The following SCFD2 variants were observed in gnomAD, a reference collection of about 807,000 sequenced individuals.
SCFD2 encodes the protein sec1 family domain containing 2, also known as sec1 family domain-containing protein 2.
A neutral mutation model predicts 58.9 loss-of-function variants in SCFD2; 54 were observed. The ratio of observed to expected loss-of-function variants is 0.92; its 90% CI spans 0.74 to 1.15. The LOEUF (loss-of-function observed/expected upper bound fraction) is 1.15, where lower values mean the gene tolerates loss of function less well. Among genes scored for constraint, SCFD2 ranks in the 50% most tolerant of loss-of-function variants. The pLI is 0.00. For synonymous variants in SCFD2, 321 were observed against 335.9 expected (o/e 0.96, Z 0.49); for missense variants, 805 against 836.6 (o/e 0.96, Z 0.47).
intron 5 of SCFD2, chr4:52,955,870 G>C: frequency 2.8e-6 from 1 of 351,550 alleles, no homozygotes; most frequent in Non-Finnish European, 5.6e-6. Context: ...GCGTGCCCAA[G>C]TTAGCATGCT....
At chr4:52,920,652 C>A (rs1719711484) in intron 6 of SCFD2, 73 bp downstream of exon 6, 4 of 1,130,648 alleles carry the variant, frequency 3.5e-6, no homozygotes, top group Non-Finnish European at 4.9e-6. Flanking sequence ...TAAAAGGGAA[C>A]CTTTTCTTCT....
chr4:52,969,213 T>C (rs1228206893), intron 5 of SCFD2, among the ~76,000 whole-genome samples: 7 of 152,116 alleles, frequency 4.6e-5, no homozygotes, highest in Non-Finnish European at 1.0e-4. Context: ...GTGTTTGGAG[T>C]TGAGCTCAAT....
At chr4:52,983,027 C>A (rs1316719469) in intron 5 of SCFD2, among the ~76,000 whole-genome samples, 1 of 152,094 alleles carries the variant, frequency 6.6e-6, no homozygotes, top group Non-Finnish European at 1.5e-5. Context: ...CCAATGTGAA[C>A]TACTTGGTCC....
chr4:53,208,309 T>C (rs1728501780), intron 4 of SCFD2, among the ~76,000 whole-genome samples: 1 of 152,018 alleles, frequency 6.6e-6, no homozygotes, highest in Non-Finnish European at 1.5e-5. Flanking sequence ...GACTAATACA[T>C]TGACATTGAA....
In SCFD2 at chr4:53,175,570, T is replaced by C. The variant is rs574788484; in HGVS notation, c.1312-29988A>G. On this transcript the variant is annotated intron_variant, in intron 4 of 8. Coordinates refer to ENST00000401642, the MANE Select transcript of SCFD2 (RefSeq NM_152540.4). The stretch of plus-strand genomic sequence containing the variant: ...GAAATATTACCATGAATCAGATTTA[T>C]ATCTGTTATTAGTTTATTTATGCCT... Among the ~76,000 whole-genome samples, 78 of 152,374 alleles carry C rather than the reference T, an allele frequency of 5.1e-4. 1 individual carries two copies. The highest frequency in any genetic ancestry group is 1.8e-3 in the African/African-American group (76 of 41,594).
intron 4 of SCFD2, among the ~76,000 whole-genome samples, chr4:53,224,481 C>T (rs778788117): frequency 6.6e-6 from 1 of 152,048 alleles, no homozygotes; most frequent in Non-Finnish European, 1.5e-5. Flanking sequence ...AGTCTGAATA[C>T]CCTGAGATTG....
At chr4:53,318,728 GT>G (rs202200114) in intron 2 of SCFD2, among the ~76,000 whole-genome samples, 1,828 of 145,046 alleles carry the variant, frequency 0.013, 72 homozygotes, top group Admixed American at 0.077. Context: ...TAAAAGAGTT[GT>G]TTTTTTTTTT....
rs1200909041 is a variant in SCFD2 at position 52,962,626 on chromosome 4, T to C, written c.1562-41756A>G. The stretch of plus-strand genomic sequence containing the variant: ...TCCTATTTTTTTCTTTTTGAAATAA[T>C]ATGTTAAAATGAGCATTGTGTTAAT... On this transcript the variant is annotated intron_variant, in intron 5 of 8. Coordinates refer to ENST00000401642, the MANE Select transcript of SCFD2 (RefSeq NM_152540.4). Among the ~76,000 whole-genome samples the C allele has an allele frequency of 2.0e-5, 3 of 151,884 alleles. No individual in the cohort carries two copies. In the East Asian group the frequency reaches 5.8e-4, roughly 29 times the overall value.
chr4:53,313,900 A>G (rs1732777179), intron 2 of SCFD2, 137 bp from the exon 3 acceptor site: 1 of 669,048 alleles, frequency 1.5e-6, no homozygotes, highest in Admixed American at 3.0e-5. Context: ...AAGTATTAGG[A>G]TTAAATAAAG....
At chr4:52,937,254 G>A (rs926649824) in intron 5 of SCFD2, among the ~76,000 whole-genome samples, 4 of 152,220 alleles carry the variant, frequency 2.6e-5, no homozygotes, top group Admixed American at 2.6e-4. Flanking sequence ...GAAGAGCAAG[G>A]GGGCCAAGTG....
At chr4:53,097,639 T>C (rs1428072544) in intron 5 of SCFD2, among the ~76,000 whole-genome samples, 1 of 152,232 alleles carries the variant, frequency 6.6e-6, no homozygotes, top group African/African-American at 2.4e-5. Context: ...GTTTTCTAAA[T>C]ACACAATCAT....
At chr4:52,895,686 T>C (rs1409722590) in intron 7 of SCFD2, among the ~76,000 whole-genome samples, 4 of 152,192 alleles carry the variant, frequency 2.6e-5, no homozygotes, top group African/African-American at 4.8e-5. Context: ...GGTATATACC[T>C]AGTAATGGGA....
intron 4 of SCFD2, among the ~76,000 whole-genome samples, chr4:53,254,060 T>G (rs1037158215): frequency 2.6e-5 from 4 of 151,424 alleles, no homozygotes; most frequent in Non-Finnish European, 5.9e-5. Context: ...CATGGACAAA[T>G]AGAGGGGAAC....
rs189670503 is a variant in SCFD2, at chr4:53,081,432, T to C, written c.1561+63901A>G. ...ACTTTCTACTAGTCCACAATGTCCA[T>C]TATTCCCATATTTATGTCCATGTGT... is the stretch of plus-strand genomic sequence containing the variant. On this transcript the variant is annotated intron_variant, in intron 5 of 8. Transcript: ENST00000401642. Among the ~76,000 whole-genome samples the C allele has an allele frequency of 1.0e-3, 158 of 152,220 alleles. 1 individual carries two copies. Among genetic ancestry groups the C allele is most frequent in the African/African-American group, 3.7e-3 (152 of 41,518 alleles).
intron 3 of SCFD2, among the ~76,000 whole-genome samples, chr4:53,284,554 ATG>A (rs906065558): frequency 4.5e-5 from 2 of 44,562 alleles, no homozygotes; most frequent in Non-Finnish European, 1.4e-4. Flanking sequence ...GAATGGACAG[ATG>A]TGTATTTTTC....
chr4:53,057,385 T>A (rs1168945304), intron 5 of SCFD2, among the ~76,000 whole-genome samples: 1 of 151,794 alleles, frequency 6.6e-6, no homozygotes, highest in Non-Finnish European at 1.5e-5. Context: ...GGGATAAATA[T>A]GGAAAGGGAA....
intron 6 of SCFD2, among the ~76,000 whole-genome samples, chr4:52,912,600 T>C (rs1179093578): frequency 6.6e-6 from 1 of 152,222 alleles, no homozygotes; most frequent in Non-Finnish European, 1.5e-5. Flanking sequence ...GAGCACAATT[T>C]GGTAAAGACT....
At chr4:53,335,388 G>C (rs1273181394) in intron 2 of SCFD2, among the ~76,000 whole-genome samples, 1 of 152,086 alleles carries the variant, frequency 6.6e-6, no homozygotes, top group South Asian at 2.1e-4. Context: ...CAATGTTATG[G>C]GAAGACTGAA....
intron 2 of SCFD2, 25 bp from the exon 3 acceptor site, chr4:53,313,788 T>A: frequency 6.2e-7 from 1 of 1,612,838 alleles, no homozygotes; most frequent in Non-Finnish European, 8.5e-7. Context: ...CAAAAAGAGC[T>A]TTAGAATAAA....
Sources: allele counts gnomAD v4.1 joint callset (sites outside exome capture counted in the v4.1 genomes callset), GRCh38; gene constraint gnomAD v4.1.1; transcripts MANE v1.5; gene names NCBI Gene and HGNC (gene_info 2026-07-23, HGNC 2026-07-21).